CTNND1: variants seen among roughly 807,000 people sequenced by gnomAD.
CTNND1 encodes catenin delta 1, also known as catenin delta-1.
CTNND1 carries 16 observed loss-of-function variants against 112.1 expected under a neutral mutation model. That is an observed-to-expected ratio of 0.14 (90% CI 0.10 to 0.22). The LOEUF is 0.22. CTNND1 is among the 10% of genes least tolerant of loss of function. CTNND1 has a pLI of 1.00. For synonymous variants in CTNND1, 420 were observed against 446.5 expected (o/e 0.94, Z 0.75); for missense variants, 1,008 against 1,257.0 (o/e 0.80, Z 3.00).
chr11:57,773,539 C>T (rs1157354724), intron 1 of CTNND1, among the ~76,000 whole-genome samples: 1 of 151,590 alleles, frequency 6.6e-6, no homozygotes, highest in South Asian at 2.1e-4. Context: ...GCAACCTCCA[C>T]CTCCTGGGTT....
At position 57,794,073 on chromosome 11, in the gene CTNND1, G is replaced by A. The variant is rs776716629; in HGVS notation, c.259G>A (p.Gly87Arg). Reference protein sequence around the residue: ...RQKFSDLKLNGPQDHSHLLYS... With the variant: ...RQKFSDLKLNRPQDHSHLLYS... ...GAAATTTTCAGATTTGAAACTCAAC[G>A]GACCCCAGGTAATTCTTTGGCTCAA... Residue 87 changes from glycine to arginine, a missense_variant, in exon 4 of 21, where the codon GGA becomes AGA. Gly to Arg is a moderately radical substitution (Grantham distance 125, BLOSUM62 -2). Transcript: ENST00000399050. The A allele has an allele frequency of 6.2e-6, 10 of 1,613,830 alleles. No individual in the cohort carries two copies. The highest frequency in any genetic ancestry group is 2.2e-5 in the South Asian group (2 of 91,086).
chr11:57,806,227 TTGGTGG>T (rs55957781), intron 10 of CTNND1, among the ~76,000 whole-genome samples, 192 bp downstream of exon 10: 62 of 150,010 alleles, frequency 4.1e-4, no homozygotes, highest in Admixed American at 1.4e-3. Context: ...TTGTGATGTG[TTGGTGG>T]TGGTGGTGGT....
intron 1 of CTNND1, among the ~76,000 whole-genome samples, chr11:57,773,897 A>G (rs1240124592): frequency 6.6e-6 from 1 of 152,102 alleles, no homozygotes; most frequent in Non-Finnish European, 1.5e-5. Context: ...AGATTGCACT[A>G]TTGCATTCCA....
At position 57,761,880 on chromosome 11, in the gene CTNND1, A is replaced by G. The variant is rs1446895677; in HGVS notation, c.-453A>G. ...ATTTTAGGTGTTGGATCTGAGGGGG[A>G]AAAAAAAGAGAGAGGGAGAGAGAGA... On this transcript the variant is annotated 5_prime_UTR_variant, in exon 1 of 21. Transcript: ENST00000399050. The G allele has an allele frequency of 9.1e-6, 9 of 984,674 alleles. No homozygotes were observed. Among genetic ancestry groups the G allele is most frequent in the East Asian group, 1.1e-4 (1 of 8,808 alleles). 61.0% of individuals were successfully genotyped at this position (984,674 alleles called of 1,614,324 possible). A position where few individuals can be genotyped will look rare whatever the true frequency, so the allele number is the denominator to read the frequency against.
rs763409650 is a variant in CTNND1 at position 57,815,921 on chromosome 11, G to A, written c.2815G>A (p.Glu939Lys). 47 of 1,607,964 alleles carry A rather than the reference G, an allele frequency of 2.9e-5. No homozygotes were observed. The highest frequency in any genetic ancestry group is 3.6e-5 in the Non-Finnish European group (42 of 1,178,426). ...LKGTTPLMQDEGQESLEEELD... is the reference protein window; with the variant it reads ...LKGTTPLMQDKGQESLEEELD... ...AAATTGCATGTGTTCACAGCAGGAC[G>A]AGGGGCAGGAATCTCTGGAGGAAGA... Residue 939 changes from glutamate to lysine, a missense_variant, in exon 20 of 21, where the codon GAG (glutamate) becomes AAG (lysine). Coordinates refer to ENST00000399050, the MANE Select transcript of CTNND1 (RefSeq NM_001085458.2).
At chr11:57,780,951 T>C (rs1466646253) in intron 1 of CTNND1, among the ~76,000 whole-genome samples, 1 of 152,166 alleles carries the variant, frequency 6.6e-6, no homozygotes, top group Non-Finnish European at 1.5e-5. Context: ...CTTTCTTTCT[T>C]TTTCAAGATG....
chr11:57,798,202 C>T (rs2061575568), intron 6 of CTNND1, among the ~76,000 whole-genome samples: 1 of 151,774 alleles, frequency 6.6e-6, no homozygotes, highest in South Asian at 2.1e-4. Flanking sequence ...CAAAAATTAG[C>T]CGGGTGTTGT....
chr11:57,769,104 T>TGA (rs1430739406), intron 1 of CTNND1, among the ~76,000 whole-genome samples: 2 of 151,196 alleles, frequency 1.3e-5, no homozygotes, highest in African/African-American at 2.4e-5. Context: ...GTCAGGAGTT[T>TGA]GAGACCAGCC....
chr11:57,800,371 G>A (rs1292399911), intron 6 of CTNND1, among the ~76,000 whole-genome samples: 4 of 151,806 alleles, frequency 2.6e-5, no homozygotes, highest in Non-Finnish European at 5.9e-5. Context: ...GGGTTCAAGC[G>A]ATTCTCTTGC....
intron 19 of CTNND1, 119 bp from the exon 20 acceptor site, chr11:57,815,796 C>G: frequency 8.0e-6 from 7 of 879,592 alleles, no homozygotes; most frequent in Non-Finnish European, 1.3e-5. Context: ...TTTTGCCCTT[C>G]TCTTACTATT....
chr11:57,768,228 A>AT (rs1418366734), intron 1 of CTNND1, among the ~76,000 whole-genome samples: 1 of 151,972 alleles, frequency 6.6e-6, no homozygotes, highest in Non-Finnish European at 1.5e-5. Flanking sequence ...TAACTTTTAA[A>AT]TTTTTTTAAT....
chr11:57,766,005 C>A (rs143223860), intron 1 of CTNND1, among the ~76,000 whole-genome samples: 3 of 152,086 alleles, frequency 2.0e-5, no homozygotes, highest in Admixed American at 2.0e-4. Context: ...ATTAGCTGGG[C>A]GTGGTGGCAT....
chr11:57,769,317 GTC>G (rs1197641637), intron 1 of CTNND1, among the ~76,000 whole-genome samples: 1 of 150,374 alleles, frequency 6.7e-6, no homozygotes, highest in Non-Finnish European at 1.5e-5. Flanking sequence ...GCGAGACTCC[GTC>G]TCAAAAAAAA....
chr11:57,819,045 G>C lies in CTNND1; in HGVS notation c.*2737G>C, dbSNP rs2064116234. ...ACTATCTTTGCTGCAGAGATCAAGGGTTAAGATCTATGGGAAGATACTTAT... is the reference window on the plus strand; with the variant it reads ...ACTATCTTTGCTGCAGAGATCAAGGCTTAAGATCTATGGGAAGATACTTAT... On this transcript the variant is annotated 3_prime_UTR_variant, in exon 21 of 21. Transcript: ENST00000399050. 1 of 152,128 alleles carries C rather than the reference G, an allele frequency of 6.6e-6. No individual in the cohort carries two copies. The highest frequency in any genetic ancestry group is 1.9e-4 in the East Asian group (1 of 5,196). 9.4% of individuals were successfully genotyped at this position (152,128 alleles called of 1,614,324 possible).
intron 15 of CTNND1, 52 bp from the exon 16 acceptor site, chr11:57,810,057 T>C: frequency 7.0e-7 from 1 of 1,438,084 alleles, no homozygotes; most frequent in Admixed American, 2.0e-5. Flanking sequence ...GGGTCTAAGC[T>C]TTTTTCCTGA....
Position 57,810,131 on chromosome 11 carries a change from C to A in CTNND1, c.2458C>A (p.Arg820=). ...AAGGAACCGCTCAGAAAAAGAAGTT[C>A]GAGCAGCAGCACTTGTATTACAGAC... The part of the protein sequence containing the change: ...KSGNRSEKEV[R]AAALVLQTIW... Residue 820 remains arginine (R), a synonymous_variant, in exon 16 of 21, where the codon CGA becomes AGA. Transcript: ENST00000399050. 6.2e-7 allele frequency: 1 copy of A among 1,609,974 alleles called. No homozygotes were observed. The highest frequency in any genetic ancestry group is 1.1e-5 in the South Asian group (1 of 90,176).
chr11:57,797,308 GCC>G (rs2061445283), intron 6 of CTNND1, among the ~76,000 whole-genome samples: 1 of 148,768 alleles, frequency 6.7e-6, no homozygotes, highest in Non-Finnish European at 1.5e-5. Flanking sequence ...TTGGCTCACT[GCC>G]ACCTCCGCCT....
At chr11:57,809,974 G>A (rs2063140375) in intron 15 of CTNND1, 135 bp from the exon 16 acceptor site, 1 of 515,970 alleles carries the variant, frequency 1.9e-6, no homozygotes, top group African/African-American at 2.0e-5. Context: ...GCCTCCCAAA[G>A]TGCTGGGATT....
In CTNND1 at chr11:57,771,139, T is replaced by G. The variant is rs191141056; in HGVS notation, c.-214+9020T>G. The stretch of plus-strand genomic sequence containing the variant: ...TATAGAAAAAGAAAAGAAAGTTGTT[T>G]TTTTTTTCTAAAATTTAACTTTTTG... On this transcript the variant is annotated intron_variant, in intron 1 of 20. Coordinates refer to ENST00000399050, the MANE Select transcript of CTNND1 (RefSeq NM_001085458.2). Among the ~76,000 whole-genome samples the G allele has an allele frequency of 3.2e-3, 488 of 152,264 alleles. 3 individuals carry two copies. Among genetic ancestry groups the G allele is most frequent in the Middle Eastern group, 6.8e-3 (2 of 294 alleles).
Sources: allele counts gnomAD v4.1 joint callset (sites outside exome capture counted in the v4.1 genomes callset), GRCh38; gene constraint gnomAD v4.1.1; transcripts MANE v1.5; gene names NCBI Gene and HGNC (gene_info 2026-07-23, HGNC 2026-07-21).